Variants in DAG1 observed in about 807,000 individuals in gnomAD.
DAG1 encodes the protein dystroglycan 1, also known as dystroglycan 1 (dystrophin-associated glycoprotein 1).
A neutral mutation model predicts 46.1 loss-of-function variants in DAG1; 8 were observed. The ratio of observed to expected loss-of-function variants is 0.17; its 90% CI spans 0.10 to 0.31. The LOEUF (loss-of-function observed/expected upper bound fraction) is 0.31, where lower values mean the gene tolerates loss of function less well. DAG1 is among the 10% of genes least tolerant of loss of function. The probability of loss-of-function intolerance (pLI) is 1.00; values close to 1 mark genes in which losing one functional copy is unlikely to be tolerated. For synonymous variants in DAG1, 495 were observed against 481.8 expected, an observed-to-expected ratio of 1.03 and a Z score of -0.36; for missense variants, 1,003 against 1,189.9, an observed-to-expected ratio of 0.84 and a Z score of 2.31.
At chr3:49,478,527 G>GTTT (rs35150889) in intron 1 of DAG1, among the ~76,000 whole-genome samples, 94 of 84,926 alleles carry the variant, frequency 1.1e-3, no homozygotes, top group East Asian at 1.8e-3. Context: ...GAGCCCAAGA[G>GTTT]TTTTTTTTTT....
chr3:49,491,174 A>AT (rs1553644814), intron 1 of DAG1, among the ~76,000 whole-genome samples: 1 of 149,814 alleles, frequency 6.7e-6, no homozygotes, highest in African/African-American at 2.5e-5. Flanking sequence ...CACGCCTGGC[A>AT]TTTTTTTCTA....
rs1452367379 is a variant in DAG1, at chr3:49,525,533, A to G, written c.286-5264A>G. ...GCTTCACACGGCTGGCCGGAACAGGAGGAAGGCTGGGGGAGGTGCTACACA... is the reference window on the plus strand; with the variant it reads ...GCTTCACACGGCTGGCCGGAACAGGGGGAAGGCTGGGGGAGGTGCTACACA... On this transcript the variant is annotated intron_variant, in intron 2 of 2. Transcript: ENST00000308775. Among the ~76,000 whole-genome samples the G allele has an allele frequency of 6.7e-5, 10 of 150,294 alleles. No individual in the cohort carries two copies. In the Admixed American group the frequency reaches 6.7e-4, roughly 10 times the overall value.
chr3:49,483,739 A>AC (rs2049945269), intron 1 of DAG1, among the ~76,000 whole-genome samples: 1 of 152,124 alleles, frequency 6.6e-6, no homozygotes, highest in African/African-American at 2.4e-5. Context: ...TGGTGGCATA[A>AC]TCATAGCTCA....
chr3:49,477,940 CA>C lies in DAG1; in HGVS notation c.-117+7509del, dbSNP rs551347049. Among the ~76,000 whole-genome samples the C allele has an allele frequency of 2.0e-3, 294 of 148,090 alleles. 2 individuals are homozygous for C. The highest frequency in any genetic ancestry group is 7.0e-3 in the African/African-American group (279 of 39,960). ...TCCTGCCATCACACTCCAGCCTGGG[CA>C]ACAAGAGTGAAACTGCATCTCAAAA... On this transcript the variant is annotated intron_variant, in intron 1 of 2. Transcript: ENST00000308775.
chr3:49,498,524 CTT>C (rs1436485399), intron 1 of DAG1, among the ~76,000 whole-genome samples: 4 of 151,900 alleles, frequency 2.6e-5, no homozygotes, highest in Admixed American at 6.6e-5. Context: ...CTTTCAGAAA[CTT>C]TATATTAATG....
rs982818170 is a variant in DAG1, at chr3:49,524,549, C to T, written c.286-6248C>T. On this transcript the variant is annotated intron_variant, in intron 2 of 2. Coordinates refer to ENST00000308775, the MANE Select transcript of DAG1 (RefSeq NM_004393.6). ...ATTGGCCAGGCCTGGTTGTACACACCTGGCTCAAGTAGTCCCAGCTATTCA... is the reference window on the plus strand; with the variant it reads ...ATTGGCCAGGCCTGGTTGTACACACTTGGCTCAAGTAGTCCCAGCTATTCA... Among the ~76,000 whole-genome samples, 3 of 152,124 alleles carry T rather than the reference C, an allele frequency of 2.0e-5. No individual in the cohort carries two copies. In the East Asian group the frequency reaches 5.8e-4, roughly 29 times the overall value.
chr3:49,508,824 C>G (rs752323658), intron 1 of DAG1, among the ~76,000 whole-genome samples: 18 of 152,210 alleles, frequency 1.2e-4, no homozygotes, highest in Admixed American at 2.6e-4. Flanking sequence ...CCACTGCACC[C>G]GCCCGCCAGG....
intron 1 of DAG1, among the ~76,000 whole-genome samples, chr3:49,501,984 C>T (rs3877784): frequency 0.41 from 62,622 of 151,964 alleles, 14,667 homozygotes; most frequent in East Asian, 0.93. Flanking sequence ...TGAAACCAGC[C>T]TGGGTAATAT....
At chr3:49,502,978 T>G (rs1431323230) in intron 1 of DAG1, among the ~76,000 whole-genome samples, 2 of 152,212 alleles carry the variant, frequency 1.3e-5, no homozygotes, top group Non-Finnish European at 2.9e-5. Context: ...TTGTTTTAGT[T>G]TTTTTAATTG....
At chr3:49,487,982 G>T (rs979758020) in intron 1 of DAG1, among the ~76,000 whole-genome samples, 1 of 151,994 alleles carries the variant, frequency 6.6e-6, no homozygotes, top group Non-Finnish European at 1.5e-5. Context: ...GAATTCAGAC[G>T]TGAGCCACCA....
At chr3:49,496,470 G>C (rs1397448203) in intron 1 of DAG1, among the ~76,000 whole-genome samples, 1 of 147,712 alleles carries the variant, frequency 6.8e-6, no homozygotes, top group Non-Finnish European at 1.5e-5. Flanking sequence ...CAATTCTGCT[G>C]CCTTAGCCTC....
At chr3:49,477,894 G>A (rs1251956303) in intron 1 of DAG1, among the ~76,000 whole-genome samples, 1 of 151,666 alleles carries the variant, frequency 6.6e-6, no homozygotes, top group Non-Finnish European at 1.5e-5. Context: ...CATGGGAGGT[G>A]GAGGTTGCAG....
chr3:49,490,880 C>CTTTTTTTT (rs972440561), intron 1 of DAG1, among the ~76,000 whole-genome samples: 6 of 87,852 alleles, frequency 6.8e-5, no homozygotes, highest in Non-Finnish European at 1.1e-4. Context: ...CTCCTAAATT[C>CTTTTTTTT]TTTTTTTTTT....
rs374014033 is a variant in DAG1, at chr3:49,529,517, G to A, written c.286-1280G>A. Among the ~76,000 whole-genome samples the A allele has an allele frequency of 1.2e-4, 18 of 152,272 alleles. No homozygotes were observed. In the East Asian group the frequency reaches 2.5e-3, roughly 21 times the overall value. ...AAGCCCAGGGAACCAGAGGCACTGG[G>A]GAATCCAGCAGTCAGTGGCTTTAGC... On this transcript the variant is annotated intron_variant, in intron 2 of 2. Coordinates refer to ENST00000308775, the MANE Select transcript of DAG1 (RefSeq NM_004393.6).
intron 1 of DAG1, among the ~76,000 whole-genome samples, chr3:49,501,199 A>G (rs1374872002): frequency 1.3e-5 from 2 of 152,196 alleles, no homozygotes; most frequent in Non-Finnish European, 2.9e-5. Flanking sequence ...CAGATAGCAG[A>G]CAGCTTAAGT....
rs745559790 is a variant in DAG1 at position 49,531,413 on chromosome 3, A to G, written c.902A>G (p.Asn301Ser). 9.9e-6 allele frequency: 16 copies of G among 1,613,974 alleles called. No individual in the cohort carries two copies. The highest frequency in any genetic ancestry group is 8.9e-5 in the East Asian group (4 of 44,872). ...CCTGTGGTGGGTTGGCACATCGCCA[A>G]TAAGAAGCCCCCTCTTCCCAAACGC... ...GYPVVGWHIA[N>S]KKPPLPKRVR... Residue 301 changes from asparagine (N) to serine (S), a missense_variant, in exon 3 of 3, where the codon AAT (asparagine) becomes AGT (serine). Coordinates refer to ENST00000308775, the MANE Select transcript of DAG1 (RefSeq NM_004393.6). The surrounding 1 kb of genome is among the most constrained non-coding windows in gnomAD (Gnocchi z 7.0).
At chr3:49,502,467 G>A (rs947328602) in intron 1 of DAG1, among the ~76,000 whole-genome samples, 1 of 152,106 alleles carries the variant, frequency 6.6e-6, no homozygotes, top group African/African-American at 2.4e-5. Context: ...GAAGGTTCCT[G>A]CGGAGGAATG....
intron 2 of DAG1, among the ~76,000 whole-genome samples, chr3:49,524,363 T>C (rs2051113556): frequency 6.6e-6 from 1 of 152,188 alleles, no homozygotes; most frequent in African/African-American, 2.4e-5. Flanking sequence ...TTTGTTTTGC[T>C]TCCTGTAGCC....
At position 49,532,313 on chromosome 3, in the gene DAG1, G is replaced by A. The variant is rs781242650; in HGVS notation, c.1802G>A (p.Gly601Glu). The A allele has an allele frequency of 3.7e-6, 6 of 1,614,054 alleles. No homozygotes were observed. The African/African-American group carries it at 8.0e-5, about 22-fold the overall frequency. Reference sequence around the variant, plus strand: ...ATCCACGTCCACAGGCGCCCCCAAGGGGATAGGGCTCCTGCAAGGTTCAAG... The same window carrying A: ...ATCCACGTCCACAGGCGCCCCCAAGAGGATAGGGCTCCTGCAAGGTTCAAG... ...FEIHVHRRPQ[G>E]DRAPARFKAK... Residue 601 changes from glycine (G) to glutamate (E), a missense_variant, in exon 3 of 3, where the codon GGG becomes GAG. Physicochemically the swap from Gly to Glu is moderately conservative, Grantham distance 98 (BLOSUM62 -2). This residue lies in a region of DAG1 where 755 missense variants were observed against 854.1 expected (regional missense o/e 0.88). Transcript: ENST00000308775. This position sits in a 1 kb window ranked among gnomAD's most constrained non-coding sequence, Gnocchi z 5.4.
Sources: gnomAD v4.1 joint callset for allele counts (sites outside exome capture counted in the v4.1 genomes callset) on GRCh38, gnomAD v4.1.1 for gene constraint, gnomAD v4.1.1 regional missense constraint, Gnocchi (gnomAD v3.1) non-coding constraint, MANE v1.5 for transcripts, NCBI Gene and HGNC (gene_info 2026-07-23, HGNC 2026-07-21) for gene names.